Variants in FAM193A observed in about 807,000 individuals in gnomAD.
FAM193A encodes the protein protein FAM193A.
Under a neutral mutation model 126.5 loss-of-function variants are expected in FAM193A, and 22 were observed. The ratio of observed to expected loss-of-function variants is 0.17; its 90% CI spans 0.12 to 0.25. The LOEUF (loss-of-function observed/expected upper bound fraction) is 0.25. Among genes scored for constraint, FAM193A ranks in the 10% least tolerant of loss-of-function variants. The pLI is 1.00. For synonymous variants in FAM193A, 761 were observed against 646.8 expected (o/e 1.18, Z -2.68); for missense variants, 1,675 against 1,672.8 (o/e 1.00, Z -0.02).
chr4:2,581,642 A>G (rs1412494338), intron 1 of FAM193A, among the ~76,000 whole-genome samples: 1 of 151,518 alleles, frequency 6.6e-6, no homozygotes, highest in Admixed American at 6.6e-5. Flanking sequence ...CCTTTATTTT[A>G]TTTATTTGTT....
intron 20 of FAM193A, among the ~76,000 whole-genome samples, chr4:2,721,095 C>T (rs4690030): frequency 0.02 from 3,079 of 152,104 alleles, 181 homozygotes; most frequent in Admixed American, 0.13. Flanking sequence ...AGGTGGATCA[C>T]GAGGCCAGGA....
chr4:2,704,738 A>G (rs764157046), intron 19 of FAM193A, among the ~76,000 whole-genome samples: 1 of 152,076 alleles, frequency 6.6e-6, no homozygotes, highest in Non-Finnish European at 1.5e-5. Context: ...ACTGTTGCCA[A>G]TCCGTTAGCT....
At chr4:2,617,038 C>T (rs1652513719) in intron 2 of FAM193A, among the ~76,000 whole-genome samples, 1 of 144,884 alleles carries the variant, frequency 6.9e-6, no homozygotes, top group African/African-American at 2.5e-5. Flanking sequence ...TGTGGTGGCA[C>T]ATGCCTGTCA....
intron 13 of FAM193A, among the ~76,000 whole-genome samples, chr4:2,683,895 G>A (rs1318050354): frequency 6.6e-6 from 1 of 152,102 alleles, no homozygotes; most frequent in South Asian, 2.1e-4. Flanking sequence ...TTGCAGTATG[G>A]GAAGTTTCTG....
chr4:2,601,837 T>C (rs1399960096), intron 2 of FAM193A, among the ~76,000 whole-genome samples: 1 of 152,052 alleles, frequency 6.6e-6, no homozygotes. Flanking sequence ...TAATTGTTGC[T>C]TTTTATTATT....
intron 19 of FAM193A, among the ~76,000 whole-genome samples, chr4:2,711,874 C>T (rs1258196297): frequency 6.6e-6 from 1 of 152,040 alleles, no homozygotes; most frequent in East Asian, 1.9e-4. Context: ...TTGTGGTGAG[C>T]TGAGATGGTG....
intron 1 of FAM193A, among the ~76,000 whole-genome samples, chr4:2,585,048 A>AATATTTG (rs2108885945): frequency 6.6e-6 from 1 of 152,314 alleles, no homozygotes; most frequent in Admixed American, 6.5e-5. Flanking sequence ...CTCACCCAAC[A>AATATTTG]ATATTTGAAA....
At chr4:2,562,201 A>G (rs1036900030) in intron 1 of FAM193A, among the ~76,000 whole-genome samples, 4 of 152,134 alleles carry the variant, frequency 2.6e-5, no homozygotes, top group Non-Finnish European at 5.9e-5. Context: ...TAATCGCAGC[A>G]CTTTGGGAGG....
chr4:2,678,465 C>T (rs145790109), intron 13 of FAM193A, among the ~76,000 whole-genome samples: 2,546 of 150,596 alleles, frequency 0.017, 55 homozygotes, highest in African/African-American at 0.049. Context: ...CAGGTTCAAG[C>T]GATACTCCTG....
At chr4:2,684,384 T>C (rs75429584) in intron 13 of FAM193A, among the ~76,000 whole-genome samples, 55 of 152,280 alleles carry the variant, frequency 3.6e-4, no homozygotes, top group African/African-American at 1.1e-3. Flanking sequence ...ACTTTTTTTT[T>C]CCAAAGATAC....
intron 1 of FAM193A, among the ~76,000 whole-genome samples, chr4:2,577,422 G>GTTTTTTTTTT (rs986931980): frequency 3.4e-4 from 39 of 115,538 alleles, no homozygotes; most frequent in South Asian, 6.0e-4. Context: ...TTTTTTTTTT[G>GTTTTTTTTTT]TTTTTTTTTT....
At chr4:2,611,107 C>T (rs1490151780) in intron 2 of FAM193A, among the ~76,000 whole-genome samples, 1 of 152,080 alleles carries the variant, frequency 6.6e-6, no homozygotes, top group Non-Finnish European at 1.5e-5. Context: ...ATTGCTGAGT[C>T]CTATAGGGTA....
At chr4:2,618,843 C>T (rs2108960694) in intron 2 of FAM193A, among the ~76,000 whole-genome samples, 1 of 152,084 alleles carries the variant, frequency 6.6e-6, no homozygotes, top group African/African-American at 2.4e-5. Flanking sequence ...GATCTGCCCA[C>T]CCTCGGCCTC....
rs116182475 is a variant in FAM193A, at chr4:2,569,561, G to C, written c.256-26523G>C. Among the ~76,000 whole-genome samples the C allele has an allele frequency of 3.3e-3, 504 of 152,148 alleles. 1 individual carries two copies. Among genetic ancestry groups the C allele is most frequent in the African/African-American group, 0.012 (482 of 41,496 alleles). On this transcript the variant is annotated intron_variant, in intron 1 of 20. Transcript: ENST00000637812. ...TCACCCGGTCCGGAGTGCAGTGGCC[G>C]ATCATGACTCACTGCAGCCTCAATC...
intron 13 of FAM193A, among the ~76,000 whole-genome samples, chr4:2,676,889 C>T (rs1714472090): frequency 6.6e-6 from 1 of 151,780 alleles, no homozygotes; most frequent in Non-Finnish European, 1.5e-5. Flanking sequence ...TGCAGTGAGC[C>T]GAGATCACGT....
chr4:2,699,334 G>C (rs530834216), intron 18 of FAM193A, among the ~76,000 whole-genome samples: 12 of 152,074 alleles, frequency 7.9e-5, no homozygotes, highest in Non-Finnish European at 1.2e-4. Flanking sequence ...CACCTGTGAG[G>C]GGGTAGCTGA....
At chr4:2,689,381 G>A (rs1716104109) in intron 13 of FAM193A, 125 bp from the exon 14 acceptor site, 1 of 645,454 alleles carries the variant, frequency 1.5e-6, no homozygotes, top group Non-Finnish European at 2.6e-6. Context: ...CCCCTGGGCT[G>A]AGCTCAGCTC....
intron 1 of FAM193A, among the ~76,000 whole-genome samples, chr4:2,549,919 G>A (rs1737805482): frequency 6.7e-6 from 1 of 149,832 alleles, no homozygotes; most frequent in Middle Eastern, 3.5e-3. Flanking sequence ...AGTAAAGATG[G>A]GATTTCACCA....
intron 12 of FAM193A, among the ~76,000 whole-genome samples, chr4:2,665,883 G>A (rs1002045444): frequency 5.3e-5 from 8 of 152,134 alleles, no homozygotes; most frequent in Non-Finnish European, 1.2e-4. Flanking sequence ...GTCTCGCTCT[G>A]TTGCCCAGGC....
Sources: allele counts gnomAD v4.1 joint callset (sites outside exome capture counted in the v4.1 genomes callset), GRCh38; gene constraint gnomAD v4.1.1; transcripts MANE v1.5; gene names NCBI Gene and HGNC (gene_info 2026-07-23, HGNC 2026-07-21).